MMD2: variants seen among roughly 807,000 people sequenced by gnomAD.
MMD2 encodes the protein monocyte to macrophage differentiation associated 2.
In MMD2, 30 loss-of-function variants were observed where a neutral mutation model predicts 33.5. That is an observed-to-expected ratio of 0.90 (90% CI 0.67 to 1.22). MMD2 has a LOEUF of 1.22. MMD2 is among the 50% of genes most tolerant of loss of function. The probability of loss-of-function intolerance (pLI) is 0.00; values close to 1 mark genes in which losing one functional copy is unlikely to be tolerated. For synonymous variants in MMD2, 129 were observed against 123.0 expected, an observed-to-expected ratio of 1.05 and a Z score of -0.32; for missense variants, 364 against 325.4, an observed-to-expected ratio of 1.12 and a Z score of -0.91.
intron 5 of MMD2, 134 bp downstream of exon 5, chr7:4,911,011 T>C (rs1002345920): frequency 5.0e-5 from 37 of 741,002 alleles, no homozygotes; most frequent in Non-Finnish European, 7.3e-5. Flanking sequence ...CCCATGAGCC[T>C]GAATGACGTG....
At chr7:4,924,767 A>C (rs1785378688) in intron 2 of MMD2, among the ~76,000 whole-genome samples, 1 of 152,170 alleles carries the variant, frequency 6.6e-6, no homozygotes, top group African/African-American at 2.4e-5. Flanking sequence ...CAGCCCGTGC[A>C]AAGGCATGGA....
At chr7:4,911,576 C>G (rs904352431) in intron 4 of MMD2, among the ~76,000 whole-genome samples, 4 of 151,308 alleles carry the variant, frequency 2.6e-5, no homozygotes, top group African/African-American at 9.8e-5. Context: ...GTTCCGGCAG[C>G]TAACCAAAGC....
chr7:4,906,188 A>G lies in MMD2; in HGVS notation c.*1208T>C, dbSNP rs1373009660. 4 of 298,176 alleles carry G rather than the reference A, an allele frequency of 1.3e-5. No homozygotes were observed. The highest frequency in any genetic ancestry group is 1.2e-5 in the Non-Finnish European group (2 of 162,234). The allele number at this position is 298,176 out of a possible 1,614,324, so 18.5% of individuals were successfully genotyped here. On this transcript the variant is annotated 3_prime_UTR_variant, in exon 7 of 7. Transcript: ENST00000401401. ...TTTATCCAGAGAATCTGAGATTCCAATTCAGATCCTGGAGCTGGGCCTGCT... is the reference window on the plus strand; with the variant it reads ...TTTATCCAGAGAATCTGAGATTCCAGTTCAGATCCTGGAGCTGGGCCTGCT...
chr7:4,945,240 C>CTTCTTCTTCTTCTTCT (rs1491481447), intron 1 of MMD2, among the ~76,000 whole-genome samples: 393 of 16,570 alleles, frequency 0.024, 5 homozygotes, highest in Non-Finnish European at 0.036. Flanking sequence ...CTTCTTCTTC[C>CTTCTTCTTCTTCTTCT]TCTCTCTCTT....
intron 1 of MMD2, among the ~76,000 whole-genome samples, chr7:4,942,073 C>G (rs1211688443): frequency 6.6e-6 from 1 of 152,012 alleles, no homozygotes; most frequent in Non-Finnish European, 1.5e-5. Flanking sequence ...CCTGCCTCAG[C>G]CTCCCGAGTA....
chr7:4,959,045 C>G lies in MMD2; in HGVS notation c.-28G>C, dbSNP rs893047933. On this transcript the variant is annotated 5_prime_UTR_variant, in exon 1 of 7. Coordinates refer to ENST00000401401, the MANE Select transcript of MMD2 (RefSeq NM_198403.4). ...CGGCGCTTCCATGGGAATCTGGCCC[C>G]GGGCTCAGAGCGCGGGTAGCTGGCA... is the stretch of plus-strand genomic sequence containing the variant. 1.3e-4 allele frequency: 158 copies of G among 1,253,550 alleles called. No homozygotes were observed. The highest frequency in any genetic ancestry group is 1.6e-4 in the Non-Finnish European group (156 of 990,868). 77.7% of individuals were successfully genotyped at this position (1,253,550 alleles called of 1,614,324 possible).
At chr7:4,909,202 C>T (rs1784943019) in intron 6 of MMD2, among the ~76,000 whole-genome samples, 1 of 152,008 alleles carries the variant, frequency 6.6e-6, no homozygotes, top group Non-Finnish European at 1.5e-5. Flanking sequence ...GTGAAAGAAA[C>T]TCTCCGCAGG....
chr7:4,899,813 C>T, the MMD2 span, among the ~76,000 whole-genome samples: 1 of 152,072 alleles, frequency 6.6e-6, no homozygotes, highest in Non-Finnish European at 1.5e-5. Flanking sequence ...ATGAAATGGG[C>T]GGGTCACATG....
rs142716643 is a variant in MMD2, at chr7:4,944,760, C to CTTTT, written c.47+14207_47+14210dup. On this transcript the variant is annotated intron_variant, in intron 1 of 6. Coordinates refer to ENST00000401401, the MANE Select transcript of MMD2 (RefSeq NM_198403.4). ...TTTTCTCTTTCTTCTTCTTCTTCTT[C>CTTTT]TTTTTTTTTTTTTTTTTTTTTTTTT... 3.7e-3 allele frequency among the ~76,000 whole-genome samples: 281 copies of CTTTT among 75,294 alleles called. 1 individual carries two copies. Among genetic ancestry groups the CTTTT allele is most frequent in the African/African-American group, 6.1e-3 (106 of 17,284 alleles). 49.4% of individuals were successfully genotyped at this position (75,294 alleles called of 152,430 possible). A position where few individuals can be genotyped will look rare whatever the true frequency, so the allele number is the denominator to read the frequency against.
intron 2 of MMD2, among the ~76,000 whole-genome samples, chr7:4,924,531 G>T (rs958070574): frequency 6.6e-6 from 1 of 152,208 alleles, no homozygotes; most frequent in African/African-American, 2.4e-5. Context: ...TGCCTTGAGG[G>T]TACCCAGGAA....
intron 1 of MMD2, among the ~76,000 whole-genome samples, chr7:4,938,718 CAG>C (rs1443989791): frequency 5.9e-5 from 9 of 152,148 alleles, no homozygotes; most frequent in Non-Finnish European, 7.3e-5. Flanking sequence ...TTGGCTGTAG[CAG>C]AGGAGAGACT....
At position 4,940,564 on chromosome 7, in the gene MMD2, C is replaced by T. The variant is rs191054415; in HGVS notation, c.48-15032G>A. ...CCCGGCCGTGCTAAGCCTCTCTCCC[C>T]CTCTCCGCTTGGCCCTGGCCGCTTC... On this transcript the variant is annotated intron_variant, in intron 1 of 6. Transcript: ENST00000401401. The surrounding 1 kb of genome is among the most constrained non-coding windows in gnomAD (Gnocchi z 5.0). Among the ~76,000 whole-genome samples, 107 of 152,370 alleles carry T rather than the reference C, an allele frequency of 7.0e-4. No individual in the cohort carries two copies. Among genetic ancestry groups the T allele is most frequent in the African/African-American group, 2.5e-3 (103 of 41,594 alleles).
chr7:4,936,734 T>C (rs905563544), intron 1 of MMD2, among the ~76,000 whole-genome samples: 10 of 151,818 alleles, frequency 6.6e-5, no homozygotes, highest in Admixed American at 6.6e-4. Flanking sequence ...TGCCACAGAA[T>C]ATTTTATTTT....
At position 4,915,992 on chromosome 7, in the gene MMD2, G is replaced by A; in HGVS notation, c.365+13C>T. The A allele has an allele frequency of 6.2e-7, 1 of 1,613,394 alleles. No homozygotes were observed. Among genetic ancestry groups the A allele is most frequent in the Non-Finnish European group, 8.5e-7 (1 of 1,179,474 alleles). On this transcript the variant is annotated intron_variant, in intron 4 of 6. Transcript: ENST00000401401. ...GCCGCCAAGGGTTTGCTGGGCGGCGGGACGGTACTCACCAGGGTGCGTAGG... is the reference window on the plus strand; with the variant it reads ...GCCGCCAAGGGTTTGCTGGGCGGCGAGACGGTACTCACCAGGGTGCGTAGG...
chr7:4,949,984 T>C (rs1200016852), intron 1 of MMD2, among the ~76,000 whole-genome samples: 1 of 152,160 alleles, frequency 6.6e-6, no homozygotes, highest in Non-Finnish European at 1.5e-5. Flanking sequence ...ATTTTTAGAA[T>C]AATTTTTTTC....
At chr7:4,908,220 C>T (rs960985266) in intron 6 of MMD2, among the ~76,000 whole-genome samples, 54 of 150,986 alleles carry the variant, frequency 3.6e-4, no homozygotes, top group African/African-American at 1.1e-3. Context: ...CAGTTCACTG[C>T]GACCTCCACC....
At chr7:4,920,649 C>A (rs984144033) in intron 2 of MMD2, among the ~76,000 whole-genome samples, 1 of 146,694 alleles carries the variant, frequency 6.8e-6, no homozygotes, top group Admixed American at 6.9e-5. Context: ...TTTCTCTTTT[C>A]CTTTCCTCTT....
intron 1 of MMD2, among the ~76,000 whole-genome samples, chr7:4,928,084 A>G (rs760647789): frequency 2.6e-5 from 4 of 152,190 alleles, no homozygotes; most frequent in East Asian, 1.9e-4. Flanking sequence ...AGCAGCGTGC[A>G]TGTCTTCGGC....
chr7:4,920,318 G>GGGATGATCC lies in MMD2; in HGVS notation c.134_142dup (p.Ile47_Pro48insArgIleIle). 6.2e-7 allele frequency: 1 copy of GGGATGATCC among 1,608,582 alleles called. No individual in the cohort carries two copies. The highest frequency in any genetic ancestry group is 8.5e-7 in the Non-Finnish European group (1 of 1,177,918). ...GAGGTTGGAGCTGCCCAGGATGCTG[G>GGGATGATCC]GGATGATCCAGAACTGGAGGGGCAG... On this transcript the variant is annotated inframe_insertion, in exon 3 of 7. Coordinates refer to ENST00000401401, the MANE Select transcript of MMD2 (RefSeq NM_198403.4).
Sources: gnomAD v4.1 joint callset for allele counts (sites outside exome capture counted in the v4.1 genomes callset) on GRCh38, gnomAD v4.1.1 for gene constraint, Gnocchi (gnomAD v3.1) non-coding constraint, MANE v1.5 for transcripts, NCBI Gene and HGNC (gene_info 2026-07-23, HGNC 2026-07-21) for gene names.